The following EHBP1 variants were observed in gnomAD, a reference collection of about 807,000 sequenced individuals.
EHBP1 encodes EH domain-binding protein 1.
In EHBP1, 55 loss-of-function variants were observed where a neutral mutation model predicts 144.0. The observed-to-expected ratio is 0.38, with a 90% confidence interval of 0.31 to 0.48. EHBP1 has a LOEUF of 0.48. EHBP1 is among the 20% of genes least tolerant of loss of function. The pLI, the probability that EHBP1 is intolerant of heterozygous loss-of-function variation, is 0.98. For missense variants in EHBP1, 1,200 were observed against 1,364.2 expected (o/e 0.88, Z 1.90); for synonymous variants, 469 against 472.7 (o/e 0.99, Z 0.10).
upstream of EHBP1, among the ~76,000 whole-genome samples, chr2:62,705,397 G>A (rs1046221792): frequency 3.3e-5 from 5 of 151,908 alleles, no homozygotes; most frequent in Non-Finnish European, 7.4e-5. Context: ...TCACCTTGCA[G>A]TTCACTATAA....
intron 10 of EHBP1, among the ~76,000 whole-genome samples, chr2:62,892,717 A>G (rs1367610134): frequency 6.6e-6 from 1 of 152,136 alleles, no homozygotes; most frequent in Non-Finnish European, 1.5e-5. Context: ...ATATTTTAGT[A>G]TAAAAATTAT....
chr2:62,814,680 C>G (rs1440534970), intron 5 of EHBP1, among the ~76,000 whole-genome samples: 1 of 152,170 alleles, frequency 6.6e-6, no homozygotes, highest in African/African-American at 2.4e-5. Context: ...TACTATTGGC[C>G]TATGGTGATG....
intron 1 of EHBP1, among the ~76,000 whole-genome samples, chr2:62,679,150 T>A (rs980232664): frequency 3.3e-5 from 5 of 152,210 alleles, no homozygotes; most frequent in South Asian, 2.1e-4. Flanking sequence ...GTGTCTTTTT[T>A]AAATTTGACC....
chr2:62,863,837 G>GTTTTTT lies in EHBP1; in HGVS notation c.758-892_758-891insTTTTTT, dbSNP rs1354945636. ...ATTTTTTTAAATTTTATTTTTCTGT[G>GTTTTTT]TTGTTTTTTTTTTTTTTTTTTTTTT... On this transcript the variant is annotated intron_variant, in intron 8 of 22. Coordinates refer to ENST00000431489, the MANE Select transcript of EHBP1 (RefSeq NM_001142616.3). Among the ~76,000 whole-genome samples the GTTTTTT allele has an allele frequency of 2.0e-3, 149 of 74,530 alleles. 38 individuals are homozygous for GTTTTTT. The highest frequency in any genetic ancestry group is 3.1e-3 in the Non-Finnish European group (122 of 39,420). 48.9% of individuals were successfully genotyped at this position (74,530 alleles called of 152,430 possible).
chr2:63,004,210 G>A (rs2059946506), intron 19 of EHBP1, among the ~76,000 whole-genome samples: 1 of 151,822 alleles, frequency 6.6e-6, no homozygotes, highest in Non-Finnish European at 1.5e-5. Context: ...ATTAAATGGT[G>A]GATACATGGA....
intron 5 of EHBP1, among the ~76,000 whole-genome samples, chr2:62,819,781 A>C (rs985017402): frequency 6.6e-6 from 1 of 152,010 alleles, no homozygotes; most frequent in African/African-American, 2.4e-5. Flanking sequence ...CAAAAAAAAA[A>C]AAACCCGCGA....
chr2:62,862,727 A>G (rs1170808077), intron 8 of EHBP1, among the ~76,000 whole-genome samples: 1 of 152,248 alleles, frequency 6.6e-6, no homozygotes, highest in Non-Finnish European at 1.5e-5. Context: ...AATTTCAATA[A>G]TCAATTTCCT....
chr2:62,804,498 A>G (rs2044290657), intron 5 of EHBP1, among the ~76,000 whole-genome samples: 1 of 152,238 alleles, frequency 6.6e-6, no homozygotes. Flanking sequence ...ATAGAAGTGA[A>G]TATTTATTAA....
At chr2:62,887,454 T>C (rs1228526778) in intron 10 of EHBP1, among the ~76,000 whole-genome samples, 1 of 151,670 alleles carries the variant, frequency 6.6e-6, no homozygotes, top group Non-Finnish European at 1.5e-5. Flanking sequence ...TTAAACCAAT[T>C]AAGCCAAGCA....
intron 19 of EHBP1, among the ~76,000 whole-genome samples, chr2:63,015,124 A>G (rs2060430989): frequency 6.6e-6 from 1 of 152,218 alleles, no homozygotes; most frequent in African/African-American, 2.4e-5. Context: ...CACATTTAAC[A>G]CATATATTTG....
chr2:62,744,245 A>T (rs1268780647), intron 2 of EHBP1, among the ~76,000 whole-genome samples: 1 of 152,130 alleles, frequency 6.6e-6, no homozygotes, highest in African/African-American at 2.4e-5. Flanking sequence ...GATGTTAAAT[A>T]TGTAGTTGTT....
Position 62,865,944 on chromosome 2 carries a change from C to A in EHBP1, c.998+973C>A, listed in dbSNP as rs143975029. Reference sequence around the variant, plus strand: ...TATGAGGAGCACTACTCTGTGAGATCTGTTTCAGAGATCTGTAGAAAGCCC... The same window carrying A: ...TATGAGGAGCACTACTCTGTGAGATATGTTTCAGAGATCTGTAGAAAGCCC... On this transcript the variant is annotated intron_variant, in intron 9 of 22. Transcript: ENST00000431489. Among the ~76,000 whole-genome samples, 160 of 152,328 alleles carry A rather than the reference C, an allele frequency of 1.1e-3. No homozygotes were observed. The South Asian group carries it at 0.012, about 11-fold the overall frequency.
chr2:62,865,863 G>A (rs2049994831), intron 9 of EHBP1, among the ~76,000 whole-genome samples: 1 of 152,064 alleles, frequency 6.6e-6, no homozygotes, highest in Non-Finnish European at 1.5e-5. Context: ...TTTGGACTTG[G>A]GAGTACTGAG....
intron 12 of EHBP1, among the ~76,000 whole-genome samples, chr2:62,947,367 A>T (rs1412218117): frequency 6.6e-6 from 1 of 152,226 alleles, no homozygotes; most frequent in African/African-American, 2.4e-5. Context: ...CAATTGTTAC[A>T]TAATTTCCTA....
chr2:62,718,979 ATT>A (rs1397556532), intron 2 of EHBP1, among the ~76,000 whole-genome samples: 88 of 138,124 alleles, frequency 6.4e-4, no homozygotes, highest in Middle Eastern at 3.7e-3. Context: ...TTGAGGTAGA[ATT>A]TTTTTTTTTT....
At chr2:62,803,928 C>G (rs1388183415) in intron 5 of EHBP1, among the ~76,000 whole-genome samples, 1 of 65,422 alleles carries the variant, frequency 1.5e-5, no homozygotes, top group Non-Finnish European at 3.4e-5. Context: ...CGTTTTGTGC[C>G]CAGTTTTCTA....
intron 19 of EHBP1, among the ~76,000 whole-genome samples, chr2:63,022,871 AT>A (rs1005794936): frequency 6.6e-6 from 1 of 151,964 alleles, no homozygotes; most frequent in South Asian, 2.1e-4. Context: ...GTTGATACCT[AT>A]TTTTTTTAAA....
chr2:62,766,601 T>A (rs1162378671), intron 4 of EHBP1, among the ~76,000 whole-genome samples: 1 of 152,128 alleles, frequency 6.6e-6, no homozygotes, highest in African/African-American at 2.4e-5. Flanking sequence ...TTGAGTAAGT[T>A]AAATGGGCAT....
intron 5 of EHBP1, among the ~76,000 whole-genome samples, chr2:62,806,874 C>T (rs2044544877): frequency 6.6e-6 from 1 of 152,106 alleles, no homozygotes; most frequent in Non-Finnish European, 1.5e-5. Flanking sequence ...CCTATTTTCT[C>T]TCTCTAGTCT....
Sources: gnomAD v4.1 joint callset for allele counts (sites outside exome capture counted in the v4.1 genomes callset) on GRCh38, gnomAD v4.1.1 for gene constraint, MANE v1.5 for transcripts, NCBI Gene and HGNC (gene_info 2026-07-23, HGNC 2026-07-21) for gene names.